KIRREL3: variants seen among roughly 807,000 people sequenced by gnomAD.
The protein encoded by KIRREL3 is kirre like nephrin family adhesion molecule 3.
Under a neutral mutation model 89.7 loss-of-function variants are expected in KIRREL3, and 36 were observed. The observed-to-expected ratio is 0.40, with a 90% CI of 0.31 to 0.53. The LOEUF is 0.53. Ranked by LOEUF, KIRREL3 falls within the 20% of genes least tolerant of loss-of-function variation. The probability of loss-of-function intolerance (pLI) is 0.49; values close to 1 mark genes in which losing one functional copy is unlikely to be tolerated. For missense variants in KIRREL3, 864 were observed against 1,056.6 expected (o/e 0.82, Z 2.53); for synonymous variants, 445 against 441.4 (o/e 1.01, Z -0.10).
intron 1 of KIRREL3, among the ~76,000 whole-genome samples, chr11:126,660,232 G>C (rs1945333548): frequency 6.6e-6 from 1 of 152,112 alleles, no homozygotes; most frequent in Non-Finnish European, 1.5e-5. Context: ...AAATACCCTG[G>C]GGATCACTTT....
intron 1 of KIRREL3, among the ~76,000 whole-genome samples, chr11:126,933,457 G>A (rs542669096): frequency 6.6e-6 from 1 of 150,766 alleles, no homozygotes; most frequent in Non-Finnish European, 1.5e-5. Context: ...ATGTTTTAAA[G>A]AATTTCAAAT....
chr11:126,963,273 C>T (rs1162120306), intron 1 of KIRREL3, among the ~76,000 whole-genome samples: 1 of 151,318 alleles, frequency 6.6e-6, no homozygotes, highest in Non-Finnish European at 1.5e-5. Flanking sequence ...AAGTGTTAGC[C>T]TTCTCCCTTG....
At position 126,764,660 on chromosome 11, in the gene KIRREL3, C is replaced by T. The variant is rs947630885; in HGVS notation, c.56-201748G>A. 1.3e-5 allele frequency among the ~76,000 whole-genome samples: 2 copies of T among 152,206 alleles called. No homozygotes were observed. Among genetic ancestry groups the T allele is most frequent in the African/African-American group, 4.8e-5 (2 of 41,456 alleles). On this transcript the variant is annotated intron_variant, in intron 1 of 16. Transcript: ENST00000525144. The surrounding 1 kb of genome is among the most constrained non-coding windows in gnomAD (Gnocchi z 4.2). ...AGTTAATCTTTGGTTAGCACATGCA[C>T]ACGTGGGCACGTGCAAACTCTCTCA...
chr11:126,756,742 C>T (rs1949515473), intron 1 of KIRREL3, among the ~76,000 whole-genome samples: 1 of 152,254 alleles, frequency 6.6e-6, no homozygotes, highest in Non-Finnish European at 1.5e-5. Context: ...CATTCCACCT[C>T]CACTCCCAAT....
intron 1 of KIRREL3, among the ~76,000 whole-genome samples, chr11:126,799,204 ATGTGTGTATCTG>A (rs1346485181): frequency 1.9e-4 from 27 of 145,836 alleles, no homozygotes; most frequent in African/African-American, 6.5e-4. Flanking sequence ...GTGTGTGTGC[ATGTGTGTATCTG>A]TGTGTGTATC....
At position 126,837,234 on chromosome 11, in the gene KIRREL3, C is replaced by A. The variant is rs1465172440; in HGVS notation, c.55+163221G>T. On this transcript the variant is annotated intron_variant, in intron 1 of 16. Coordinates refer to ENST00000525144, the MANE Select transcript of KIRREL3 (RefSeq NM_032531.4). This position sits in a 1 kb window ranked among gnomAD's most constrained non-coding sequence, Gnocchi z 4.7. ...AACTGTGAAATAGGTTTAATAAAAC[C>A]AGCCTTAGAACCCTGAGGGAGACAA... Among the ~76,000 whole-genome samples, 1 of 152,088 alleles carries A rather than the reference C, an allele frequency of 6.6e-6. No homozygotes were observed. The highest frequency in any genetic ancestry group is 1.9e-4 in the East Asian group (1 of 5,192).
chr11:126,753,096 GA>G (rs1484894670), intron 1 of KIRREL3, among the ~76,000 whole-genome samples: 2 of 152,212 alleles, frequency 1.3e-5, no homozygotes, highest in Admixed American at 6.5e-5. Context: ...TGGGGTGAAT[GA>G]ACTCGAGGAC....
rs1944447155 is a variant in KIRREL3 at position 126,640,988 on chromosome 11, T to G, written c.56-78076A>C. 6.6e-6 allele frequency among the ~76,000 whole-genome samples: 1 copy of G among 152,116 alleles called. No homozygotes were observed. The highest frequency in any genetic ancestry group is 6.5e-5 in the Admixed American group (1 of 15,276). ...ACTCATCTATCCAATTGCCTAGTTCTCCCCTCCACTTGCAATGTGTAACAG... is the reference window on the plus strand; with the variant it reads ...ACTCATCTATCCAATTGCCTAGTTCGCCCCTCCACTTGCAATGTGTAACAG... On this transcript the variant is annotated intron_variant, in intron 1 of 16. Coordinates refer to ENST00000525144, the MANE Select transcript of KIRREL3 (RefSeq NM_032531.4). The surrounding 1 kb of genome is among the most constrained non-coding windows in gnomAD (Gnocchi z 4.9).
rs1259357620 is a variant in KIRREL3, at chr11:126,471,203, C to T, written c.591+2106G>A. On this transcript the variant is annotated intron_variant, in intron 5 of 16. Transcript: ENST00000525144. The surrounding 1 kb of genome is among the most constrained non-coding windows in gnomAD (Gnocchi z 5.4). ...AGTAACCCCGTCTCTTTTAAAAATA[C>T]AAAAAAAGAAAAAAAAATTAGCTGG... is the stretch of plus-strand genomic sequence containing the variant. Among the ~76,000 whole-genome samples the T allele has an allele frequency of 6.6e-6, 1 of 150,932 alleles. No individual in the cohort carries two copies. Among genetic ancestry groups the T allele is most frequent in the African/African-American group, 2.4e-5 (1 of 41,100 alleles).
At chr11:126,662,059 G>T (rs1444315546) in intron 1 of KIRREL3, among the ~76,000 whole-genome samples, 1 of 152,068 alleles carries the variant, frequency 6.6e-6, no homozygotes, top group Admixed American at 6.6e-5. Context: ...GAGAGGAAGG[G>T]AATAAGATTG....
chr11:126,467,983 G>A (rs1229399268), intron 5 of KIRREL3, among the ~76,000 whole-genome samples: 1 of 152,192 alleles, frequency 6.6e-6, no homozygotes, highest in East Asian at 1.9e-4. Flanking sequence ...GGTCTCCAGA[G>A]CTCCTCTTAG....
rs1282911596 is a variant in KIRREL3, at chr11:126,883,921, G to A, written c.55+116534C>T. Among the ~76,000 whole-genome samples, 1 of 152,148 alleles carries A rather than the reference G, an allele frequency of 6.6e-6. No homozygotes were observed. The stretch of plus-strand genomic sequence containing the variant: ...GATACAAAGAACTTTCTGATCACTG[G>A]AGCAGTTCAACAATGGAAGCTTCTC... On this transcript the variant is annotated intron_variant, in intron 1 of 16. Transcript: ENST00000525144. The surrounding 1 kb of genome is among the most constrained non-coding windows in gnomAD (Gnocchi z 4.1).
At chr11:126,790,498 G>C (rs139859581) in intron 1 of KIRREL3, among the ~76,000 whole-genome samples, 43 of 152,242 alleles carry the variant, frequency 2.8e-4, no homozygotes, top group African/African-American at 9.6e-4. Context: ...TTATTGTAAG[G>C]ATTCAATAGC....
At chr11:126,426,730 C>G (rs560119380) in intron 15 of KIRREL3, among the ~76,000 whole-genome samples, 2 of 152,256 alleles carry the variant, frequency 1.3e-5, no homozygotes. Flanking sequence ...CTCTCTGGGC[C>G]GGGATGTTTC....
intron 1 of KIRREL3, among the ~76,000 whole-genome samples, chr11:126,785,325 T>C (rs1462014904): frequency 6.6e-6 from 1 of 152,196 alleles, no homozygotes; most frequent in Non-Finnish European, 1.5e-5. Context: ...GACATTAATT[T>C]TCTCCTTTTC....
rs1475270111 is a variant in KIRREL3, at chr11:126,610,953, A to G, written c.56-48041T>C. The G allele has an allele frequency of 6.6e-6, 1 of 152,290 alleles. No homozygotes were observed. Among genetic ancestry groups the G allele is most frequent in the East Asian group, 1.9e-4 (1 of 5,180 alleles). The allele number at this position is 152,290 out of a possible 1,614,324, so 9.4% of individuals were successfully genotyped here. A position where few individuals can be genotyped will look rare whatever the true frequency, so the allele number is the denominator to read the frequency against. On this transcript the variant is annotated intron_variant, in intron 1 of 16. Coordinates refer to ENST00000525144, the MANE Select transcript of KIRREL3 (RefSeq NM_032531.4). This position sits in a 1 kb window ranked among gnomAD's most constrained non-coding sequence, Gnocchi z 4.6. Reference sequence around the variant, plus strand: ...TTGAAGCTGGAACTTTTCAACATACATCTCCAAGCTTCAGGAGGAAGCTAG... The same window carrying G: ...TTGAAGCTGGAACTTTTCAACATACGTCTCCAAGCTTCAGGAGGAAGCTAG...
chr11:126,724,216 C>T lies in KIRREL3; in HGVS notation c.56-161304G>A, dbSNP rs187898713. On this transcript the variant is annotated intron_variant, in intron 1 of 16. Transcript: ENST00000525144. The surrounding 1 kb of genome is among the most constrained non-coding windows in gnomAD (Gnocchi z 4.3). ...CTTCAGAGGCAGGTTGCTTCTGCCA[C>T]GGCAAGGAGAAGATCACTTTCTGTG... 2.4e-3 allele frequency among the ~76,000 whole-genome samples: 373 copies of T among 152,312 alleles called. No homozygotes were observed. Among genetic ancestry groups the T allele is most frequent in the African/African-American group, 8.3e-3 (346 of 41,568 alleles).
At chr11:126,885,927 T>G (rs545464110) in intron 1 of KIRREL3, among the ~76,000 whole-genome samples, 1 of 152,370 alleles carries the variant, frequency 6.6e-6, no homozygotes, top group East Asian at 1.9e-4. Flanking sequence ...TTATGGGATA[T>G]TGAACCTAAT....
intron 1 of KIRREL3, among the ~76,000 whole-genome samples, chr11:126,658,763 C>T (rs1945268083): frequency 6.6e-6 from 1 of 152,176 alleles, no homozygotes; most frequent in African/African-American, 2.4e-5. Flanking sequence ...TCCGCCAGAC[C>T]CTGCTTGATT....
Sources: allele counts gnomAD v4.1 joint callset (sites outside exome capture counted in the v4.1 genomes callset), GRCh38; gene constraint gnomAD v4.1.1; non-coding constraint Gnocchi (gnomAD v3.1); transcripts MANE v1.5; gene names NCBI Gene and HGNC (gene_info 2026-07-23, HGNC 2026-07-21).